MKI67: variants seen among roughly 807,000 people sequenced by gnomAD.
The protein encoded by MKI67 is proliferation marker protein Ki-67.
A neutral mutation model predicts 233.5 loss-of-function variants in MKI67; 152 were observed. The ratio of observed to expected loss-of-function variants is 0.65; its 90% CI spans 0.57 to 0.74. MKI67 has a LOEUF of 0.74. Ranked by LOEUF, MKI67 falls within the 30% of genes least tolerant of loss-of-function variation. The pLI is 0.00. For synonymous variants in MKI67, 1,465 were observed against 1,418.5 expected, an observed-to-expected ratio of 1.03 and a Z score of -0.74; for missense variants, 3,940 against 3,885.2, an observed-to-expected ratio of 1.01 and a Z score of -0.37.
In MKI67 at chr10:128,115,244, T is replaced by C; in HGVS notation, c.1164A>G (p.Lys388=). ...GKSEGFKAGD[K]TLTPRKLSTR... ...TTGAAAGCTTCCTGGGAGTAAGAGT[T>C]TTATCACCAGCCTTGAAGCCTTCAC... The change falls in exon 7 of 15, where the codon AAA becomes AAG. Residue 388 remains lysine (K), a synonymous_variant. Coordinates refer to ENST00000368654, the MANE Select transcript of MKI67 (RefSeq NM_002417.5). 1 of 1,614,216 alleles carries C rather than the reference T, an allele frequency of 6.2e-7. No homozygotes were observed.
Position 128,115,577 on chromosome 10 carries a change from A to C in MKI67, c.831T>G (p.Ala277=), listed in dbSNP as rs772536880. The change falls in exon 7 of 15, where the codon GCT becomes GCG. Residue 277 remains alanine (A), a synonymous_variant. Coordinates refer to ENST00000368654, the MANE Select transcript of MKI67 (RefSeq NM_002417.5). The part of the protein sequence containing the change: ...QTDYATEKES[A]DGLQGETQLL... ...GTTGGGTCTCCCCCTGTAAACCATC[A>C]GCACTTTCTTTCTCTGTTGCGTAAT... 1.2e-6 allele frequency: 2 copies of C among 1,614,106 alleles called. No homozygotes were observed. The highest frequency in any genetic ancestry group is 2.7e-5 in the African/African-American group (2 of 74,936).
rs1330539317 is a variant in MKI67, at chr10:128,103,964, A to G, written c.7876T>C (p.Ser2626Pro). The G allele has an allele frequency of 1.2e-6, 2 of 1,613,574 alleles. No individual in the cohort carries two copies. Among genetic ancestry groups the G allele is most frequent in the African/African-American group, 2.7e-5 (2 of 74,742 alleles). Residue 2626 changes from serine (S) to proline (P), a missense_variant, in exon 13 of 15, where the codon TCA becomes CCA. By Grantham distance (74) the Ser-to-Pro change is moderately conservative. Transcript: ENST00000368654. ...LSAVERLTQT[S>P]GQSTHTHKEP... ...TTGTGTGTGTGTGTGCTTTGCCCTG[A>G]TGTTTGCGTGAGCCTCTCAACTGCT...
intron 4 of MKI67, among the ~76,000 whole-genome samples, chr10:128,119,869 A>G (rs1014004270): frequency 1.3e-5 from 2 of 152,244 alleles, no homozygotes; most frequent in African/African-American, 4.8e-5. Flanking sequence ...AGACAGGTAC[A>G]TCTTAAGAAG....
At chr10:128,111,884 T>A (rs762984327) in intron 10 of MKI67, 43 bp downstream of exon 10, 1 of 1,605,422 alleles carries the variant, frequency 6.2e-7, no homozygotes, top group African/African-American at 1.3e-5. Flanking sequence ...CAAGCTTCGA[T>A]GACACCGGTA....
Position 128,115,548 on chromosome 10 carries a change from A to G in MKI67, c.860T>C (p.Leu287Ser). 1.2e-6 allele frequency: 2 copies of G among 1,614,204 alleles called. No homozygotes were observed. Among genetic ancestry groups the G allele is most frequent in the Non-Finnish European group, 1.7e-6 (2 of 1,180,026 alleles). Residue 287 changes from leucine (L) to serine (S), a missense_variant, in exon 7 of 15, where the codon TTG becomes TCG. By Grantham distance (145) the Leu-to-Ser change is moderately radical (BLOSUM62 -2). Transcript: ENST00000368654. ...ADGLQGETQL[L>S]VSRKSRPKSG... ...TTTTGGTCTTGACTTACGCGAGACC[A>G]ACAGTTGGGTCTCCCCCTGTAAACC...
At position 128,121,409 on chromosome 10, in the gene MKI67, A is replaced by G. The variant is rs374094210; in HGVS notation, c.287+1472T>C. 2.8e-5 allele frequency among the ~76,000 whole-genome samples: 4 copies of G among 142,192 alleles called. No homozygotes were observed. The East Asian group carries it at 5.9e-4, about 21-fold the overall frequency. The allele number at this position is 142,192 out of a possible 152,430, so 93.3% of individuals were successfully genotyped here. A position where few individuals can be genotyped will look rare whatever the true frequency, so the allele number is the denominator to read the frequency against. On this transcript the variant is annotated intron_variant, in intron 4 of 14. Coordinates refer to ENST00000368654, the MANE Select transcript of MKI67 (RefSeq NM_002417.5). ...TATAAATATATTGTATATATATTGT[A>G]TATGTATTATATATACCATATAGTA...
rs1425925119 is a variant in MKI67 at position 128,106,290 on chromosome 10, A to T, written c.5550T>A (p.Asp1850Glu). ...AGAGTATTTTTTTGGTAGTTTTCTCATCAGTCGTGGGGTTATCAGTGCATG... is the reference window on the plus strand; with the variant it reads ...AGAGTATTTTTTTGGTAGTTTTCTCTTCAGTCGTGGGGTTATCAGTGCATG... Reference protein sequence around the residue: ...QTPCTDNPTTDEKTTKKILCK... With the variant: ...QTPCTDNPTTEEKTTKKILCK... The change falls in exon 13 of 15, where the codon GAT becomes GAA. Residue 1850 changes from aspartate (D) to glutamate (E), a missense_variant. By Grantham distance (45) the Asp-to-Glu change is conservative (BLOSUM62 2). Transcript: ENST00000368654. The T allele has an allele frequency of 1.2e-6, 2 of 1,613,118 alleles. No homozygotes were observed. The highest frequency in any genetic ancestry group is 4.5e-5 in the East Asian group (2 of 44,760).
chr10:128,120,651 C>T (rs1468919881), intron 4 of MKI67, among the ~76,000 whole-genome samples: 3 of 152,072 alleles, frequency 2.0e-5, no homozygotes, highest in Non-Finnish European at 4.4e-5. Context: ...CATTAAAAAA[C>T]AGCTAATACA....
At chr10:128,102,495 A>C in intron 13 of MKI67, 84 bp downstream of exon 13, 1 of 1,498,694 alleles carries the variant, frequency 6.7e-7, no homozygotes. Flanking sequence ...ACCACTTATA[A>C]CGTCAGGTTA....
Position 128,102,994 on chromosome 10 carries a change from G to A in MKI67, c.8846C>T (p.Thr2949Ile). 6.2e-7 allele frequency: 1 copy of A among 1,614,254 alleles called. No homozygotes were observed. Residue 2949 changes from threonine (T) to isoleucine (I), a missense_variant, in exon 13 of 15, where the codon ACA becomes ATA. Coordinates refer to ENST00000368654, the MANE Select transcript of MKI67 (RefSeq NM_002417.5). ...ADSFTSAPKQ[T>I]PDSGKPLKIS... ...TTTTAGAGGTTTTCCACTGTCAGGT[G>A]TTTGCTTTGGAGCGCTTGTAAAGCT...
At chr10:128,114,038 C>T (rs527633176) in intron 7 of MKI67, among the ~76,000 whole-genome samples, 3 of 152,264 alleles carry the variant, frequency 2.0e-5, no homozygotes, top group South Asian at 2.1e-4. Context: ...AGCCCAGTCC[C>T]GGCCACACAT....
At chr10:128,113,739 G>C (rs750187085) in intron 7 of MKI67, 137 bp from the exon 8 acceptor site, 3 of 752,200 alleles carry the variant, frequency 4.0e-6, no homozygotes, top group Non-Finnish European at 6.4e-6. Context: ...CTCTATTCTT[G>C]CAATCCTGGT....
At position 128,112,017 on chromosome 10, in the gene MKI67, T is replaced by G. The variant is rs964104366; in HGVS notation, c.1998A>C (p.Lys666Asn). The change falls in exon 10 of 15, where the codon AAA (lysine) becomes AAC (asparagine). Residue 666 changes from lysine to asparagine, a missense_variant. Lys to Asn is a moderately conservative substitution (Grantham distance 94). Transcript: ENST00000368654. ...IVAKSWADVV[K>N]LGAKQTQTKV... ...TAGTTTGTGTTTGTTTTGCACCAAG[T>G]TTTACTACATCTGCCCATGATTTTG... The G allele has an allele frequency of 1.9e-6, 3 of 1,613,182 alleles. No individual in the cohort carries two copies. The African/African-American group carries it at 4.0e-5, about 22-fold the overall frequency.
chr10:128,113,752 A>T (rs1852733102), intron 7 of MKI67, 150 bp from the exon 8 acceptor site: 1 of 713,022 alleles, frequency 1.4e-6, no homozygotes, highest in Admixed American at 2.8e-5. Context: ...ATCCTGGTGA[A>T]GCTAAGCTAC....
Position 128,101,422 on chromosome 10 carries a change from C to G in MKI67, c.9541G>C (p.Val3181Leu), listed in dbSNP as rs768217731. ...EESGGQKSAK[V>L]LMQNQKGKGE... ...TTCCCTTTCTGATTCTGCATGAGAACCTTCGCACTCTTCTGCCCTCCGCTC... is the reference window on the plus strand; with the variant it reads ...TTCCCTTTCTGATTCTGCATGAGAAGCTTCGCACTCTTCTGCCCTCCGCTC... The change falls in exon 14 of 15, where the codon GTT becomes CTT. Residue 3181 changes from valine to leucine, a missense_variant. Coordinates refer to ENST00000368654, the MANE Select transcript of MKI67 (RefSeq NM_002417.5). The G allele has an allele frequency of 2.5e-6, 4 of 1,614,064 alleles. No homozygotes were observed. Among genetic ancestry groups the G allele is most frequent in the Admixed American group, 1.7e-5 (1 of 59,986 alleles).
In MKI67 at chr10:128,108,885, G is replaced by A. The variant is rs750520741; in HGVS notation, c.2955C>T (p.Leu985=). Residue 985 remains leucine, a synonymous_variant, in exon 13 of 15, where the codon CTC becomes CTT. Coordinates refer to ENST00000368654, the MANE Select transcript of MKI67 (RefSeq NM_002417.5). ...LMKDTARGQN[L]LQTQDHAKAP... is the part of the protein sequence containing the mutation. ...CCTTGGCATGATCTTGGGTTTGGAGGAGATTCTGGCCACGTGCCGTGTCTT... is the reference window on the plus strand; with the variant it reads ...CCTTGGCATGATCTTGGGTTTGGAGAAGATTCTGGCCACGTGCCGTGTCTT... 1.9e-6 allele frequency: 3 copies of A among 1,614,210 alleles called. No homozygotes were observed. The South Asian group carries it at 3.3e-5, about 18-fold the overall frequency.
chr10:128,106,782 T>G lies in MKI67; in HGVS notation c.5058A>C (p.Ser1686=). The change falls in exon 13 of 15, where the codon TCA becomes TCC. Residue 1686 remains serine, a synonymous_variant. Coordinates refer to ENST00000368654, the MANE Select transcript of MKI67 (RefSeq NM_002417.5). ...FMESPKQILD[S]AASLTGSKRQ... ...TCTTGCTGCCAGTTAGACTTGCTGC[T>G]GAGTCTAAGATCTGCTTTGGAGACT... 4.3e-6 allele frequency: 7 copies of G among 1,614,034 alleles called. No homozygotes were observed. Among genetic ancestry groups the G allele is most frequent in the Non-Finnish European group, 5.9e-6 (7 of 1,180,022 alleles).
At position 128,103,952 on chromosome 10, in the gene MKI67, T is replaced by C. The variant is rs772973910; in HGVS notation, c.7888A>G (p.Thr2630Ala). The change falls in exon 13 of 15, where the codon ACA becomes GCA. Residue 2630 changes from threonine to alanine, a missense_variant. Coordinates refer to ENST00000368654, the MANE Select transcript of MKI67 (RefSeq NM_002417.5). ...ERLTQTSGQS[T>A]HTHKEPASGD... Reference sequence around the variant, plus strand: ...CTTGCTGGTTCTTTGTGTGTGTGTGTGCTTTGCCCTGATGTTTGCGTGAGC... The same window carrying C: ...CTTGCTGGTTCTTTGTGTGTGTGTGCGCTTTGCCCTGATGTTTGCGTGAGC... 3.9e-5 allele frequency: 63 copies of C among 1,614,000 alleles called. No individual in the cohort carries two copies. Among genetic ancestry groups the C allele is most frequent in the Admixed American group, 5.0e-5 (3 of 60,002 alleles).
At chr10:128,122,798 G>A (rs1301132075) in intron 4 of MKI67, 83 bp downstream of exon 4, 1 of 648,854 alleles carries the variant, frequency 1.5e-6, no homozygotes, top group Admixed American at 3.0e-5. Flanking sequence ...GAACATTAAA[G>A]AAGAATGACA....
Sources: gnomAD v4.1 joint callset for allele counts (sites outside exome capture counted in the v4.1 genomes callset) on GRCh38, gnomAD v4.1.1 for gene constraint, MANE v1.5 for transcripts, NCBI Gene and HGNC (gene_info 2026-07-23, HGNC 2026-07-21) for gene names.